The following TRPV1 variants were observed in gnomAD, a reference collection of about 807,000 sequenced individuals.
The protein encoded by TRPV1 is transient receptor potential cation channel subfamily V member 1, also known as OTRPC1.
A neutral mutation model predicts 82.3 loss-of-function variants in TRPV1; 82 were observed. The observed-to-expected ratio is 1.00, with a 90% confidence interval of 0.83 to 1.20. TRPV1 has a LOEUF of 1.20. TRPV1 is among the 50% of genes most tolerant of loss of function. The pLI, the probability that TRPV1 is intolerant of heterozygous loss-of-function variation, is 0.00. For synonymous variants in TRPV1, 515 were observed against 467.7 expected (o/e 1.10, Z -1.30); for missense variants, 1,067 against 1,096.8 (o/e 0.97, Z 0.38).
Position 3,572,224 on chromosome 17 carries a change from T to C in TRPV1, c.2129A>G (p.Glu710Gly). The change falls in exon 15 of 17, where the codon GAG (glutamate) becomes GGG (glycine). Residue 710 changes from glutamate (E) to glycine (G), a missense_variant. Transcript: ENST00000572705. ...CCTCATGCACTTAAGGAAGCTCTTC[T>C]CCGTGTCCAGGATGGTGATGGCTCT... The part of the protein sequence containing the change: ...LQRAITILDT[E>G]KSFLKCMRKA... 6.2e-7 allele frequency: 1 copy of C among 1,610,522 alleles called. No individual in the cohort carries two copies. The highest frequency in any genetic ancestry group is 1.7e-5 in the Admixed American group (1 of 59,480).
At chr17:3,572,886 G>A (rs2074874142) in intron 14 of TRPV1, among the ~76,000 whole-genome samples, 1 of 150,200 alleles carries the variant, frequency 6.7e-6, no homozygotes, top group South Asian at 2.2e-4. Context: ...GGGAGGCTGA[G>A]GCAGAAGAAC....
At chr17:3,573,236 C>T (rs1355957488) in intron 14 of TRPV1, among the ~76,000 whole-genome samples, 2 of 152,156 alleles carry the variant, frequency 1.3e-5, no homozygotes, top group Non-Finnish European at 2.9e-5. Flanking sequence ...TGGTGCCCAC[C>T]TTACACCAGG....
chr17:3,577,886 G>T (rs1292339287), intron 11 of TRPV1, 123 bp from the exon 12 acceptor site: 2 of 909,838 alleles, frequency 2.2e-6, no homozygotes, highest in Non-Finnish European at 3.3e-6. Context: ...CTAGGGTTGG[G>T]CTGTCCTGAC....
chr17:3,586,072 G>C, intron 8 of TRPV1, 146 bp from the exon 9 acceptor site: 1 of 1,049,764 alleles, frequency 9.5e-7, no homozygotes, highest in South Asian at 1.5e-5. Flanking sequence ...TGAGCCAGCC[G>C]GCAGCCATAG....
rs186986460 is a variant in TRPV1, at chr17:3,573,954, C to G, written c.1782G>C (p.Ala594=). 3 of 1,595,566 alleles carry G rather than the reference C, an allele frequency of 1.9e-6. No individual in the cohort carries two copies. In the South Asian group the frequency reaches 3.4e-5, roughly 18 times the overall value. Residue 594 remains alanine (A), a splice_region_variant and synonymous_variant, in exon 14 of 17, where the codon GCG becomes GCC. Coordinates refer to ENST00000572705, the MANE Select transcript of TRPV1 (RefSeq NM_080704.4). ...YIVFLFGFST[A]VVTLIEDGKN... ...TCCCGTCTTCAATCAGCGTCACCAC[C>G]GCTACAGGGCACAGGGAGGGCGGGG...
At position 3,598,016 on chromosome 17, in the gene TRPV1, A is replaced by C. The variant is rs1266703519; in HGVS notation, c.-33-5633T>G. ...CTTCACTTCATACCACCCTAAATGC[A>C]CAGGAGAGAAGACCCACAAGAGAGA... On this transcript the variant is annotated intron_variant, in intron 2 of 16. Coordinates refer to ENST00000572705, the MANE Select transcript of TRPV1 (RefSeq NM_080704.4). Among the ~76,000 whole-genome samples the C allele has an allele frequency of 2.6e-5, 4 of 152,290 alleles. No individual in the cohort carries two copies. In the East Asian group the frequency reaches 7.7e-4, roughly 29 times the overall value.
rs201093423 is a variant in TRPV1 at position 3,572,230 on chromosome 17, T to A, written c.2123A>T (p.Asp708Val). ...WKLQRAITIL[D>V]TEKSFLKCMR... is the part of the protein sequence containing the mutation. ...GCACTTAAGGAAGCTCTTCTCCGTG[T>A]CCAGGATGGTGATGGCTCTCTGCAG... Residue 708 changes from aspartate (D) to valine (V), a missense_variant, in exon 15 of 17, where the codon GAC becomes GTC. Physicochemically the swap from Asp to Val is radical, Grantham distance 152. Transcript: ENST00000572705. 6.2e-7 allele frequency: 1 copy of A among 1,609,928 alleles called. No individual in the cohort carries two copies. The highest frequency in any genetic ancestry group is 1.3e-5 in the African/African-American group (1 of 74,870).
chr17:3,588,158 G>A (rs1378598259), intron 8 of TRPV1, 30 bp downstream of exon 8: 2 of 1,542,364 alleles, frequency 1.3e-6, no homozygotes, highest in Non-Finnish European at 1.8e-6. Context: ...AGGCCCTGAG[G>A]CCCTCCCTGG....
In TRPV1 at chr17:3,591,296, A is replaced by G; in HGVS notation, c.342T>C (p.Asp114=). The G allele has an allele frequency of 6.2e-7, 1 of 1,612,032 alleles. No homozygotes were observed. Among genetic ancestry groups the G allele is most frequent in the Non-Finnish European group, 8.5e-7 (1 of 1,179,426 alleles). Residue 114 remains aspartate, a synonymous_variant, in exon 4 of 17, where the codon GAT becomes GAC. Coordinates refer to ENST00000572705, the MANE Select transcript of TRPV1 (RefSeq NM_080704.4). The part of the protein sequence containing the change: ...ASTEKTLRLY[D]RRSIFEAVAQ... Reference sequence around the variant, plus strand: ...CAACGGCTTCAAAGATACTCCTGCGATCATAGAGCCTGAGGGTCTTCTCGG... The same window carrying G: ...CAACGGCTTCAAAGATACTCCTGCGGTCATAGAGCCTGAGGGTCTTCTCGG...
chr17:3,585,726 C>A, intron 9 of TRPV1, 42 bp downstream of exon 9: 2 of 1,592,186 alleles, frequency 1.3e-6, no homozygotes, highest in Non-Finnish European at 1.7e-6. Flanking sequence ...CCTTCCCCAC[C>A]ACCCACACCC....
intron 9 of TRPV1, chr17:3,585,047 C>A (rs1426783359): frequency 6.6e-6 from 1 of 152,176 alleles, no homozygotes; most frequent in East Asian, 1.9e-4. Context: ...AGAGGGCAGG[C>A]AAGCAGGATG....
chr17:3,591,316 T>G lies in TRPV1; in HGVS notation c.322A>C (p.Lys108Gln). 1 of 1,602,146 alleles carries G rather than the reference T, an allele frequency of 6.2e-7. No individual in the cohort carries two copies. The highest frequency in any genetic ancestry group is 8.5e-7 in the Non-Finnish European group (1 of 1,175,664). ...CTGCGATCATAGAGCCTGAGGGTCT[T>G]CTCGGTGCTGGCGGCGACAGAGTCC... is the stretch of plus-strand genomic sequence containing the variant. ...SQDSVAASTE[K>Q]TLRLYDRRSI... Residue 108 changes from lysine to glutamine, a missense_variant, in exon 4 of 17, where the codon AAG becomes CAG. Lys to Gln is a moderately conservative substitution (Grantham distance 53, BLOSUM62 1). Transcript: ENST00000572705.
chr17:3,590,574 C>T (rs1042490323), intron 5 of TRPV1, among the ~76,000 whole-genome samples, 182 bp from the exon 6 acceptor site: 10 of 152,142 alleles, frequency 6.6e-5, no homozygotes, highest in South Asian at 4.1e-4. Flanking sequence ...CCAGCAAGGT[C>T]CTGAGACAGG....
chr17:3,609,150 T>G (rs1017907789), intron 1 of TRPV1, 159 bp downstream of exon 1: 1 of 152,228 alleles, frequency 6.6e-6, no homozygotes, highest in African/African-American at 2.4e-5. Flanking sequence ...CTTCCCAAAG[T>G]GCTGGGATTA....
Position 3,589,836 on chromosome 17 carries a change from C to G in TRPV1, c.1015G>C (p.Ala339Pro). ...LTNKKGMTPLALAAGTGKIGV... is the reference protein window; with the variant it reads ...LTNKKGMTPLPLAAGTGKIGV... ...ATCTTCCCGGTCCCAGCTGCCAGAG[C>G]CAGCGGCGTCATTCCCTTCTTGTTG... Residue 339 changes from alanine to proline, a missense_variant, in exon 7 of 17, where the codon GCT becomes CCT. Coordinates refer to ENST00000572705, the MANE Select transcript of TRPV1 (RefSeq NM_080704.4). 2.5e-6 allele frequency: 4 copies of G among 1,613,642 alleles called. No homozygotes were observed. Among genetic ancestry groups the G allele is most frequent in the Non-Finnish European group, 3.4e-6 (4 of 1,179,696 alleles).
At chr17:3,580,916 G>A (rs1452570675) in intron 10 of TRPV1, among the ~76,000 whole-genome samples, 1 of 151,976 alleles carries the variant, frequency 6.6e-6, no homozygotes, top group East Asian at 1.9e-4. Context: ...CTACTCATGA[G>A]GCTGAGGCAA....
At chr17:3,592,416 AAAGT>A (rs1268156227) in intron 2 of TRPV1, 33 bp from the exon 3 acceptor site, 4 of 1,509,384 alleles carry the variant, frequency 2.7e-6, no homozygotes, top group African/African-American at 2.8e-5. Context: ...GTTGACTCCC[AAAGT>A]AAGGACTGCT....
In TRPV1 at chr17:3,573,738, G is replaced by C. The variant is rs1225585855; in HGVS notation, c.1998C>G (p.Ala666=). The stretch of plus-strand genomic sequence containing the variant: ...GGAGGATGTAGGTGAGAATTACATA[G>C]GCCAGCAGCAGGATGATGAAGACAG... ...FKAVFIILLL[A]YVILTYILLL... The change falls in exon 14 of 17, where the codon GCC becomes GCG. Residue 666 remains alanine, a synonymous_variant. Coordinates refer to ENST00000572705, the MANE Select transcript of TRPV1 (RefSeq NM_080704.4). 1.2e-6 allele frequency: 2 copies of C among 1,613,892 alleles called. No homozygotes were observed. Among genetic ancestry groups the C allele is most frequent in the African/African-American group, 1.3e-5 (1 of 74,876 alleles).
At position 3,588,176 on chromosome 17, in the gene TRPV1, C is replaced by G; in HGVS notation, c.1224+12G>C. Reference sequence around the variant, plus strand: ...CCCTGAGGCCCTCCCTGGCTGTGCCCCAGCCACTCACAGGGGTCTCGCTGC... The same window carrying G: ...CCCTGAGGCCCTCCCTGGCTGTGCCGCAGCCACTCACAGGGGTCTCGCTGC... On this transcript the variant is annotated intron_variant, in intron 8 of 16. Transcript: ENST00000572705. 6.4e-7 allele frequency: 1 copy of G among 1,551,110 alleles called. No individual in the cohort carries two copies. Among genetic ancestry groups the G allele is most frequent in the Non-Finnish European group, 8.7e-7 (1 of 1,146,034 alleles).
Sources: gnomAD v4.1 joint callset for allele counts (sites outside exome capture counted in the v4.1 genomes callset) on GRCh38, gnomAD v4.1.1 for gene constraint, MANE v1.5 for transcripts, NCBI Gene and HGNC (gene_info 2026-07-23, HGNC 2026-07-21) for gene names.